Variants in PLCB4 observed in about 807,000 individuals in gnomAD.
The protein encoded by PLCB4 is 1-phosphatidylinositol 4,5-bisphosphate phosphodiesterase beta-4.
In PLCB4, 77 loss-of-function variants were observed where a neutral mutation model predicts 178.8. That is an observed-to-expected ratio of 0.43 (90% CI 0.36 to 0.52). PLCB4 has a LOEUF of 0.52. Ranked by LOEUF, PLCB4 falls within the 20% of genes least tolerant of loss-of-function variation. PLCB4 has a pLI of 0.00. For missense variants in PLCB4, 1,024 were observed against 1,453.4 expected (o/e 0.70, Z 4.80); for synonymous variants, 496 against 490.8 (o/e 1.01, Z -0.14).
At chr20:9,274,400 C>A (rs1403857101) in intron 3 of PLCB4, among the ~76,000 whole-genome samples, 1 of 151,982 alleles carries the variant, frequency 6.6e-6, no homozygotes, top group Non-Finnish European at 1.5e-5. Flanking sequence ...GAGGGCAATG[C>A]AGGATGAGAG....
intron 8 of PLCB4, 50 bp from the exon 9 acceptor site, chr20:9,365,411 C>G (rs767399595): frequency 3.3e-5 from 38 of 1,145,414 alleles, no homozygotes; most frequent in Non-Finnish European, 4.7e-5. Flanking sequence ...AGAATTGAAG[C>G]TGCTCCCTCT....
intron 3 of PLCB4, among the ~76,000 whole-genome samples, chr20:9,266,340 G>A (rs2094348943): frequency 6.6e-6 from 1 of 152,210 alleles, no homozygotes; most frequent in African/African-American, 2.4e-5. Flanking sequence ...TGCAGTTAAA[G>A]TCTGAGAAGC....
intron 2 of PLCB4, among the ~76,000 whole-genome samples, chr20:9,108,815 C>T (rs996282601): frequency 2.7e-5 from 4 of 150,032 alleles, no homozygotes; most frequent in African/African-American, 9.8e-5. Context: ...CTTGGAATAA[C>T]ATGGGGGAAA....
At chr20:9,274,455 A>G (rs1297722809) in intron 3 of PLCB4, among the ~76,000 whole-genome samples, 2 of 152,100 alleles carry the variant, frequency 1.3e-5, no homozygotes, top group Admixed American at 1.3e-4. Context: ...CATACTCCTT[A>G]GATATTAAGA....
chr20:9,149,485 T>A (rs1186268697), intron 2 of PLCB4, among the ~76,000 whole-genome samples: 1 of 152,212 alleles, frequency 6.6e-6, no homozygotes, highest in Non-Finnish European at 1.5e-5. Context: ...TTATTGAATT[T>A]GCCTTCTCTT....
intron 4 of PLCB4, among the ~76,000 whole-genome samples, chr20:9,314,277 T>C (rs2094872763): frequency 6.6e-6 from 1 of 152,178 alleles, no homozygotes; most frequent in Non-Finnish European, 1.5e-5. Flanking sequence ...AGTGATCAGT[T>C]CTGGATGACC....
chr20:9,221,166 G>T (rs561405922), intron 3 of PLCB4, among the ~76,000 whole-genome samples: 1 of 152,202 alleles, frequency 6.6e-6, no homozygotes, highest in African/African-American at 2.4e-5. Flanking sequence ...CAATGTGCCT[G>T]CCCCAGCCTG....
Position 9,479,318 on chromosome 20 carries a change from C to A in PLCB4, c.*309C>A. On this transcript the variant is annotated 3_prime_UTR_variant, in exon 40 of 40. Transcript: ENST00000378473. Reference sequence around the variant, plus strand: ...AAGTAAATGAGCTTGGTGTGAACAACTCTCCTTTGTGATGCCTTAGGACAT... The same window carrying A: ...AAGTAAATGAGCTTGGTGTGAACAAATCTCCTTTGTGATGCCTTAGGACAT... The A allele has an allele frequency of 3.0e-6, 1 of 330,920 alleles. No homozygotes were observed. Among genetic ancestry groups the A allele is most frequent in the Non-Finnish European group, 5.7e-6 (1 of 176,528 alleles). 20.5% of individuals were successfully genotyped at this position (330,920 alleles called of 1,614,324 possible). A position where few individuals can be genotyped will look rare whatever the true frequency, so the allele number is the denominator to read the frequency against.
chr20:9,231,702 A>G (rs1005239826), intron 3 of PLCB4, among the ~76,000 whole-genome samples: 9 of 152,172 alleles, frequency 5.9e-5, no homozygotes, highest in African/African-American at 2.2e-4. Context: ...GAAAGCAATC[A>G]TAAAATTTTC....
chr20:9,193,713 G>A (rs1425070597), intron 2 of PLCB4, among the ~76,000 whole-genome samples: 1 of 151,960 alleles, frequency 6.6e-6, no homozygotes, highest in East Asian at 1.9e-4. Context: ...AAGAAAAATA[G>A]GATTCTTAAG....
intron 3 of PLCB4, among the ~76,000 whole-genome samples, chr20:9,304,613 A>T (rs548366371): frequency 9.2e-5 from 14 of 152,260 alleles, no homozygotes; most frequent in African/African-American, 3.4e-4. Context: ...TTATTCTGTT[A>T]TTCTGAGAAT....
chr20:9,091,033 T>C (rs2090656292), intron 1 of PLCB4, among the ~76,000 whole-genome samples: 1 of 152,160 alleles, frequency 6.6e-6, no homozygotes, highest in Non-Finnish European at 1.5e-5. Context: ...CAGTGGGTTT[T>C]ATTTGTAAGC....
chr20:9,293,171 TGGAAAGGAAA>T (rs796273144), intron 3 of PLCB4, among the ~76,000 whole-genome samples: 7 of 125,742 alleles, frequency 5.6e-5, no homozygotes, highest in Admixed American at 5.4e-4. Context: ...TGGAATGGAA[TGGAAAGGAAA>T]GGAAAGGGGA....
At chr20:9,426,456 G>A (rs1483936894) in intron 28 of PLCB4, among the ~76,000 whole-genome samples, 1 of 152,036 alleles carries the variant, frequency 6.6e-6, no homozygotes, top group Admixed American at 6.6e-5. Context: ...TCGGCTCACT[G>A]CAACCTCCAT....
At chr20:9,471,965 G>A (rs1342660565) in intron 36 of PLCB4, among the ~76,000 whole-genome samples, 1 of 152,156 alleles carries the variant, frequency 6.6e-6, no homozygotes, top group Non-Finnish European at 1.5e-5. Flanking sequence ...ATTGTGTCAG[G>A]TATTACAGGG....
At chr20:9,359,553 C>G (rs903606031) in intron 7 of PLCB4, among the ~76,000 whole-genome samples, 3 of 152,162 alleles carry the variant, frequency 2.0e-5, no homozygotes, top group Admixed American at 1.3e-4. Flanking sequence ...CGTGCTGATC[C>G]GAACATCAGA....
chr20:9,305,629 C>G (rs2147858423), intron 3 of PLCB4, among the ~76,000 whole-genome samples: 1 of 152,182 alleles, frequency 6.6e-6, no homozygotes, highest in African/African-American at 2.4e-5. Flanking sequence ...CCATCTCTCT[C>G]TTATTTCTCT....
intron 4 of PLCB4, among the ~76,000 whole-genome samples, chr20:9,335,659 A>C (rs953398015): frequency 6.6e-6 from 1 of 152,190 alleles, no homozygotes; most frequent in African/African-American, 2.4e-5. Flanking sequence ...AATAAACCCA[A>C]AAGGTAGGTG....
chr20:9,362,089 G>T (rs2035391816), intron 7 of PLCB4, among the ~76,000 whole-genome samples: 1 of 152,120 alleles, frequency 6.6e-6, no homozygotes, highest in Admixed American at 6.5e-5. Flanking sequence ...CTTATGTGTG[G>T]GCCACCGTTC....
Sources: gnomAD v4.1 joint callset for allele counts (sites outside exome capture counted in the v4.1 genomes callset) on GRCh38, gnomAD v4.1.1 for gene constraint, MANE v1.5 for transcripts, NCBI Gene and HGNC (gene_info 2026-07-23, HGNC 2026-07-21) for gene names.